Variants in TACC2 observed in about 807,000 individuals in gnomAD.
TACC2 encodes the protein transforming acidic coiled-coil-containing protein 2.
A neutral mutation model predicts 227.3 loss-of-function variants in TACC2; 137 were observed. The observed-to-expected ratio is 0.60, with a 90% CI of 0.52 to 0.69. TACC2 has a LOEUF of 0.69. Among genes scored for constraint, TACC2 ranks in the 30% least tolerant of loss-of-function variants. TACC2 has a pLI of 0.00. For missense variants in TACC2, 3,470 were observed against 3,694.4 expected (o/e 0.94, Z 1.57); for synonymous variants, 1,523 against 1,487.5 (o/e 1.02, Z -0.55).
At chr10:122,152,745 C>T (rs921913230) in intron 7 of TACC2, among the ~76,000 whole-genome samples, 1 of 152,180 alleles carries the variant, frequency 6.6e-6, no homozygotes, top group Non-Finnish European at 1.5e-5. Flanking sequence ...ATCCTGCATC[C>T]TCACTCTCTG....
chr10:122,120,254 G>GGT, intron 5 of TACC2, among the ~76,000 whole-genome samples: 1 of 152,316 alleles, frequency 6.6e-6, no homozygotes, highest in East Asian at 1.9e-4. Flanking sequence ...CTGGCCTAGG[G>GGT]GTTGGGCCAA....
At chr10:122,198,632 C>T (rs906296292) in intron 8 of TACC2, among the ~76,000 whole-genome samples, 1 of 152,210 alleles carries the variant, frequency 6.6e-6, no homozygotes, top group African/African-American at 2.4e-5. Flanking sequence ...CCCAGTGACA[C>T]GCGGAGGTTA....
At chr10:122,173,473 G>T (rs2093573382) in intron 7 of TACC2, among the ~76,000 whole-genome samples, 1 of 152,254 alleles carries the variant, frequency 6.6e-6, no homozygotes, top group Non-Finnish European at 1.5e-5. Context: ...TGGGGAGGCT[G>T]TGGGAGGCAA....
intron 2 of TACC2, among the ~76,000 whole-genome samples, chr10:122,037,298 C>T (rs1422961026): frequency 6.6e-6 from 1 of 152,224 alleles, no homozygotes; most frequent in Non-Finnish European, 1.5e-5. Context: ...AGGTCCCAAC[C>T]AGCCCTGGTA....
chr10:122,107,884 T>A (rs1444990058), intron 5 of TACC2, among the ~76,000 whole-genome samples: 2 of 98,740 alleles, frequency 2.0e-5, no homozygotes, highest in Non-Finnish European at 4.0e-5. Context: ...ATATATATTT[T>A]TTTTTTCTTT....
chr10:122,001,766 C>G (rs1408932578), intron 1 of TACC2, among the ~76,000 whole-genome samples: 1 of 152,060 alleles, frequency 6.6e-6, no homozygotes, highest in Non-Finnish European at 1.5e-5. Context: ...TTTTCCATTT[C>G]CCCCCAGAGT....
At chr10:122,186,475 C>T (rs533659286) in intron 7 of TACC2, among the ~76,000 whole-genome samples, 30 of 152,156 alleles carry the variant, frequency 2.0e-4, no homozygotes, top group Middle Eastern at 3.4e-3. Context: ...GTCTAGGTGA[C>T]GAGCAAGACT....
At chr10:122,036,210 T>TTTTA (rs1960272251) in intron 2 of TACC2, among the ~76,000 whole-genome samples, 1 of 151,692 alleles carries the variant, frequency 6.6e-6, no homozygotes, top group African/African-American at 2.4e-5. Flanking sequence ...TTTTTTTTTT[T>TTTTA]GAGACGGAGT....
At chr10:122,163,758 C>T (rs1565474125) in intron 7 of TACC2, 15 of 1,204,440 alleles carry the variant, frequency 1.2e-5, no homozygotes, top group Non-Finnish European at 1.3e-5. Context: ...GGCCGCGAGT[C>T]GCAGCTCCCT....
intron 5 of TACC2, among the ~76,000 whole-genome samples, chr10:122,132,064 GAAAAA>G (rs1565390228): frequency 9.6e-4 from 45 of 47,082 alleles, no homozygotes; most frequent in East Asian, 3.6e-3. Context: ...AAGAAAGAAA[GAAAAA>G]GAAAGAAAGA....
intron 8 of TACC2, among the ~76,000 whole-genome samples, 162 bp downstream of exon 8, chr10:122,195,338 A>G (rs1456102370): frequency 6.6e-6 from 1 of 152,210 alleles, no homozygotes; most frequent in Non-Finnish European, 1.5e-5. Flanking sequence ...TTGAAAATGA[A>G]GGGTGAACAG....
At position 122,117,441 on chromosome 10, in the gene TACC2, C is replaced by T. The variant is rs539232255; in HGVS notation, c.5574-15168C>T. On this transcript the variant is annotated intron_variant, in intron 5 of 22. Transcript: ENST00000369005. ...AACTCCTGCTGTCAAGTTATCTGCC[C>T]AGCTCGGCCTCCCAAAATGCTGGGA... is the stretch of plus-strand genomic sequence containing the variant. Among the ~76,000 whole-genome samples, 73 of 152,222 alleles carry T rather than the reference C, an allele frequency of 4.8e-4. No individual in the cohort carries two copies. In the South Asian group the frequency reaches 0.014, roughly 30 times the overall value.
At chr10:122,034,735 G>T (rs770737987) in intron 2 of TACC2, among the ~76,000 whole-genome samples, 58 of 152,128 alleles carry the variant, frequency 3.8e-4, no homozygotes, top group South Asian at 1.9e-3. Context: ...TTTGAGACCA[G>T]CCTGACCAAC....
At position 122,189,059 on chromosome 10, in the gene TACC2, A is replaced by G. The variant is rs534405164; in HGVS notation, c.5835-5981A>G. Among the ~76,000 whole-genome samples the G allele has an allele frequency of 2.0e-5, 3 of 152,300 alleles. No individual in the cohort carries two copies. The South Asian group carries it at 6.2e-4, about 32-fold the overall frequency. Reference sequence around the variant, plus strand: ...AGCTAAATATTGATACAACAGAGCAATTCCTTTTGTATATGCAGGATGGAT... The same window carrying G: ...AGCTAAATATTGATACAACAGAGCAGTTCCTTTTGTATATGCAGGATGGAT... On this transcript the variant is annotated intron_variant, in intron 7 of 22. Transcript: ENST00000369005.
At chr10:122,179,201 C>A (rs1233175775) in intron 7 of TACC2, among the ~76,000 whole-genome samples, 1 of 152,180 alleles carries the variant, frequency 6.6e-6, no homozygotes, top group African/African-American at 2.4e-5. Context: ...GTCTGAGCAT[C>A]TATTTAAACT....
rs189330357 is a variant in TACC2 at position 121,999,165 on chromosome 10, C to T, written c.-46+9677C>T. Reference sequence around the variant, plus strand: ...CTGGGACTACAGGCGTGCACCACCACGCCCAGCTAATTTTTTGTATTTTAG... The same window carrying T: ...CTGGGACTACAGGCGTGCACCACCATGCCCAGCTAATTTTTTGTATTTTAG... On this transcript the variant is annotated intron_variant, in intron 1 of 22. Coordinates refer to ENST00000369005, the MANE Select transcript of TACC2 (RefSeq NM_206862.4). 7.2e-5 allele frequency among the ~76,000 whole-genome samples: 11 copies of T among 152,118 alleles called. No homozygotes were observed. In the East Asian group the frequency reaches 9.7e-4, roughly 13 times the overall value.
At chr10:122,139,050 G>C (rs573519839) in intron 6 of TACC2, among the ~76,000 whole-genome samples, 23 of 152,338 alleles carry the variant, frequency 1.5e-4, no homozygotes, top group African/African-American at 5.5e-4. Flanking sequence ...GACCAGGCGT[G>C]GGGATTCATA....
chr10:122,066,834 A>G (rs1320902605), intron 3 of TACC2, among the ~76,000 whole-genome samples: 1 of 152,196 alleles, frequency 6.6e-6, no homozygotes, highest in Non-Finnish European at 1.5e-5. Flanking sequence ...TTATTTTATT[A>G]GCTACAACTA....
At chr10:122,134,097 A>C (rs2088999912) in intron 6 of TACC2, among the ~76,000 whole-genome samples, 1 of 152,100 alleles carries the variant, frequency 6.6e-6, no homozygotes, top group South Asian at 2.1e-4. Context: ...GGCTGGAAGC[A>C]GATATTCCAG....
Sources: allele counts gnomAD v4.1 joint callset (sites outside exome capture counted in the v4.1 genomes callset), GRCh38; gene constraint gnomAD v4.1.1; transcripts MANE v1.5; gene names NCBI Gene and HGNC (gene_info 2026-07-23, HGNC 2026-07-21).